TBX15: variants seen among roughly 807,000 people sequenced by gnomAD.
TBX15 encodes the protein T-box transcription factor 15, also known as T-box transcription factor TBX15.
A neutral mutation model predicts 53.9 loss-of-function variants in TBX15; 18 were observed. That is an observed-to-expected ratio of 0.33 (90% CI 0.23 to 0.49). TBX15 has a LOEUF of 0.49. Ranked by LOEUF, TBX15 falls within the 20% of genes least tolerant of loss-of-function variation. The pLI is 0.98. For synonymous variants in TBX15, 295 were observed against 278.0 expected, an observed-to-expected ratio of 1.06 and a Z score of -0.61; for missense variants, 692 against 749.5, an observed-to-expected ratio of 0.92 and a Z score of 0.90.
chr1:118,886,084 G>A (rs571014316), intron 7 of TBX15, among the ~76,000 whole-genome samples: 1 of 152,298 alleles, frequency 6.6e-6, no homozygotes, highest in South Asian at 2.1e-4. Flanking sequence ...AGGCCTGGGG[G>A]TGCAGAGCAG....
chr1:118,921,375 G>C lies in TBX15; in HGVS notation c.861+2061C>G, dbSNP rs140546134. Among the ~76,000 whole-genome samples the C allele has an allele frequency of 2.3e-3, 353 of 152,242 alleles. 4 individuals are homozygous for C. Among genetic ancestry groups the C allele is most frequent in the East Asian group, 5.0e-3 (26 of 5,180 alleles). On this transcript the variant is annotated intron_variant, in intron 5 of 7. Transcript: ENST00000369429. ...GACATGAACATTCTAATAATTTTCAGTAGTTGAAAATCGTGTTGATTGCCT... is the reference window on the plus strand; with the variant it reads ...GACATGAACATTCTAATAATTTTCACTAGTTGAAAATCGTGTTGATTGCCT...
chr1:118,944,412 A>G (rs1656280875), intron 1 of TBX15, among the ~76,000 whole-genome samples: 1 of 152,116 alleles, frequency 6.6e-6, no homozygotes, highest in Non-Finnish European at 1.5e-5. Context: ...TCACCATGTC[A>G]CTTAATTCCA....
At chr1:118,898,069 G>T (rs1654489021) in intron 7 of TBX15, among the ~76,000 whole-genome samples, 1 of 152,130 alleles carries the variant, frequency 6.6e-6, no homozygotes, top group South Asian at 2.1e-4. Context: ...TTTAATTCAA[G>T]AATTCTATTT....
At position 118,987,625 on chromosome 1, in the gene TBX15, C is replaced by T; in HGVS notation, c.171G>A (p.Glu57=). 1.3e-6 allele frequency: 2 copies of T among 1,549,708 alleles called. No homozygotes were observed. The highest frequency in any genetic ancestry group is 1.8e-4 in the Middle Eastern group (1 of 5,692). ...LSPAGPLGDT[E]DAAAHGLEPH... ...GCTCCAGGCCGTGTGCCGCCGCGTC[C>T]TCCGTGTCTCCGAGTGGGCCCGCGG... The change falls in exon 1 of 8, where the codon GAG becomes GAA. Residue 57 remains glutamate (E), a synonymous_variant. Coordinates refer to ENST00000369429, the MANE Select transcript of TBX15 (RefSeq NM_001330677.2).
chr1:118,978,390 C>CA (rs1281862043), intron 1 of TBX15, among the ~76,000 whole-genome samples: 1 of 152,056 alleles, frequency 6.6e-6, no homozygotes, highest in Admixed American at 6.6e-5. Context: ...AAAGCAAAAC[C>CA]AAAGTTAGGA....
intron 1 of TBX15, among the ~76,000 whole-genome samples, chr1:118,943,681 A>C (rs1478785958): frequency 6.6e-6 from 1 of 152,180 alleles, no homozygotes; most frequent in Non-Finnish European, 1.5e-5. Flanking sequence ...TGAGAGGTGG[A>C]AATGACAGGG....
At chr1:118,928,386 T>A (rs949050369) in intron 2 of TBX15, among the ~76,000 whole-genome samples, 2 of 152,238 alleles carry the variant, frequency 1.3e-5, no homozygotes, top group Non-Finnish European at 2.9e-5. Context: ...GGCCTCATAC[T>A]TTTGTCTTAT....
chr1:118,931,134 G>A (rs1331695191), intron 2 of TBX15, among the ~76,000 whole-genome samples: 1 of 152,170 alleles, frequency 6.6e-6, no homozygotes, highest in Non-Finnish European at 1.5e-5. Flanking sequence ...ATAAAGTTGT[G>A]TAATAATTTC....
intron 5 of TBX15, 31 bp downstream of exon 5, chr1:118,923,405 T>G: frequency 8.1e-6 from 13 of 1,613,320 alleles, no homozygotes; most frequent in Non-Finnish European, 1.0e-5. Context: ...AAAACAGATG[T>G]AGCAGAAGAC....
chr1:118,964,808 T>C (rs922403967), intron 1 of TBX15, among the ~76,000 whole-genome samples: 1 of 152,240 alleles, frequency 6.6e-6, no homozygotes, highest in African/African-American at 2.4e-5. Context: ...AATAGCCAGC[T>C]GGAGTCATGG....
At position 118,884,869 on chromosome 1, in the gene TBX15, G is replaced by T; in HGVS notation, c.1672C>A (p.Leu558Met). Residue 558 changes from leucine (L) to methionine (M), a missense_variant, in exon 8 of 8, where the codon CTG (leucine) becomes ATG (methionine). By Grantham distance (15) the Leu-to-Met change is conservative. This residue lies in a region of TBX15 where 375 missense variants were observed against 371.6 expected (regional missense o/e 1.01). Transcript: ENST00000369429. ...ATGCTGTGCTCCATCCCTGACGGCA[G>T]GTACTGCCTCTCTCCAAAGGCCCCG... is the stretch of plus-strand genomic sequence containing the variant. The part of the protein sequence containing the change: ...SNGAFGERQY[L>M]PSGMEHSMHM... 2 of 1,614,202 alleles carry T rather than the reference G, an allele frequency of 1.2e-6. No homozygotes were observed. The highest frequency in any genetic ancestry group is 1.7e-6 in the Non-Finnish European group (2 of 1,180,040).
In TBX15 at chr1:118,926,589, C is replaced by T. The variant is rs1655603621; in HGVS notation, c.442G>A (p.Val148Met). 5 of 1,613,756 alleles carry T rather than the reference C, an allele frequency of 3.1e-6. No homozygotes were observed. The highest frequency in any genetic ancestry group is 1.3e-5 in the African/African-American group (1 of 74,922). ...TGTGGATCTAGGCCAGTGATTTTCACTCTCATGGCAGGAAACATCCTCCTA... is the reference window on the plus strand; with the variant it reads ...TGTGGATCTAGGCCAGTGATTTTCATTCTCATGGCAGGAAACATCCTCCTA... ...AGRRMFPAMR[V>M]KITGLDPHQQ... The change falls in exon 3 of 8, where the codon GTG (valine) becomes ATG (methionine). Residue 148 changes from valine to methionine, a missense_variant. This residue lies in a region of TBX15 where 307 missense variants were observed against 347.5 expected (regional missense o/e 0.88). Coordinates refer to ENST00000369429, the MANE Select transcript of TBX15 (RefSeq NM_001330677.2).
At chr1:118,958,889 G>A (rs1656776779) in intron 1 of TBX15, among the ~76,000 whole-genome samples, 1 of 152,174 alleles carries the variant, frequency 6.6e-6, no homozygotes. Flanking sequence ...GGCTGGAATA[G>A]TAAATGAGAA....
rs773637205 is a variant in TBX15 at position 118,914,112 on chromosome 1, T to C, written c.926+3A>G. 4 of 1,613,728 alleles carry C rather than the reference T, an allele frequency of 2.5e-6. No individual in the cohort carries two copies. In the South Asian group the frequency reaches 3.3e-5, roughly 13 times the overall value. ...GAAGTGCCTCTTCCCCAGTGATTCTTACCTGTTTCTCCCAGAATCTCTGAA... is the reference window on the plus strand; with the variant it reads ...GAAGTGCCTCTTCCCCAGTGATTCTCACCTGTTTCTCCCAGAATCTCTGAA... On this transcript the variant is annotated splice_donor_region_variant and intron_variant, in intron 6 of 7. Coordinates refer to ENST00000369429, the MANE Select transcript of TBX15 (RefSeq NM_001330677.2).
In TBX15 at chr1:118,893,305, G is replaced by A. The variant is rs58119454; in HGVS notation, c.1024+5723C>T. On this transcript the variant is annotated intron_variant, in intron 7 of 7. Coordinates refer to ENST00000369429, the MANE Select transcript of TBX15 (RefSeq NM_001330677.2). Reference sequence around the variant, plus strand: ...AGGAAGGAAGGAAGGAAGGAAGGAAGGAAGGAAGGAAAGAAAGAAAGAAGA... The same window carrying A: ...AGGAAGGAAGGAAGGAAGGAAGGAAAGAAGGAAGGAAAGAAAGAAAGAAGA... Among the ~76,000 whole-genome samples, 225 of 111,840 alleles carry A rather than the reference G, an allele frequency of 2.0e-3. 5 individuals are homozygous for A. The highest frequency in any genetic ancestry group is 0.011 in the Middle Eastern group (2 of 184). 73.4% of individuals were successfully genotyped at this position (111,840 alleles called of 152,430 possible).
intron 1 of TBX15, among the ~76,000 whole-genome samples, chr1:118,954,131 AACTGTAAT>A (rs1557898194): frequency 6.6e-6 from 1 of 152,216 alleles, no homozygotes; most frequent in African/African-American, 2.4e-5. Flanking sequence ...AATCAAATCA[AACTGTAAT>A]AGGAAGACTA....
At chr1:118,911,292 A>G (rs1346483988) in intron 6 of TBX15, among the ~76,000 whole-genome samples, 1 of 152,222 alleles carries the variant, frequency 6.6e-6, no homozygotes, top group African/African-American at 2.4e-5. Flanking sequence ...AAAATTTCTG[A>G]TAGTACTTAA....
chr1:118,901,629 T>C (rs1231902016), intron 6 of TBX15, among the ~76,000 whole-genome samples: 2 of 152,226 alleles, frequency 1.3e-5, no homozygotes, highest in Admixed American at 1.3e-4. Flanking sequence ...TAAAATCACA[T>C]ATTTTAAATC....
chr1:118,916,743 G>A (rs1158420165), intron 5 of TBX15, among the ~76,000 whole-genome samples: 1 of 152,070 alleles, frequency 6.6e-6, no homozygotes, highest in Non-Finnish European at 1.5e-5. Flanking sequence ...GTGTGCACCT[G>A]TAGTCCCAGC....
Sources: gnomAD v4.1 joint callset for allele counts (sites outside exome capture counted in the v4.1 genomes callset) on GRCh38, gnomAD v4.1.1 for gene constraint, gnomAD v4.1.1 regional missense constraint, MANE v1.5 for transcripts, NCBI Gene and HGNC (gene_info 2026-07-23, HGNC 2026-07-21) for gene names.